The following MBD5 variants were observed in gnomAD, a reference collection of about 807,000 sequenced individuals.
MBD5 encodes the protein methyl-CpG-binding domain protein 5.
Under a neutral mutation model 117.3 loss-of-function variants are expected in MBD5, and 13 were observed. The observed-to-expected ratio is 0.11, with a 90% CI of 0.07 to 0.18. MBD5 has a LOEUF of 0.18. MBD5 is among the 10% of genes least tolerant of loss of function. The pLI is 1.00. For missense variants in MBD5, 1,879 were observed against 2,093.8 expected (o/e 0.90, Z 2.00); for synonymous variants, 727 against 766.4 (o/e 0.95, Z 0.85).
At chr2:148,291,084 A>T (rs903438502) in intron 3 of MBD5, among the ~76,000 whole-genome samples, 9 of 152,194 alleles carry the variant, frequency 5.9e-5, no homozygotes, top group Non-Finnish European at 1.3e-4. Context: ...TAGGTACCAC[A>T]CTATTTTAAT....
intron 4 of MBD5, among the ~76,000 whole-genome samples, chr2:148,358,365 T>C (rs540360602): frequency 6.6e-6 from 1 of 152,264 alleles, no homozygotes; most frequent in Admixed American, 6.5e-5. Context: ...CTTATTAAAA[T>C]AATACAGGAG....
At chr2:148,151,705 C>G (rs1386241919) in intron 1 of MBD5, among the ~76,000 whole-genome samples, 1 of 152,108 alleles carries the variant, frequency 6.6e-6, no homozygotes, top group African/African-American at 2.4e-5. Flanking sequence ...TCCATTTCTT[C>G]TAGATTTTCT....
At chr2:148,201,618 GT>G (rs2105958423) in intron 2 of MBD5, among the ~76,000 whole-genome samples, 1 of 152,272 alleles carries the variant, frequency 6.6e-6, no homozygotes, top group South Asian at 2.1e-4. Context: ...CGTTCAGTCG[GT>G]CCGAAGTTCT....
intron 12 of MBD5, among the ~76,000 whole-genome samples, 181 bp from the exon 13 acceptor site, chr2:148,509,879 T>C (rs1682164361): frequency 6.6e-6 from 1 of 152,232 alleles, no homozygotes; most frequent in Non-Finnish European, 1.5e-5. Context: ...TCTGTGACTT[T>C]AATCATTAGT....
chr2:148,023,313 G>A (rs1693814992), intron 1 of MBD5, among the ~76,000 whole-genome samples: 1 of 152,018 alleles, frequency 6.6e-6, no homozygotes, highest in Admixed American at 6.5e-5. Flanking sequence ...GATGGTTAAA[G>A]CTAAAACATA....
intron 3 of MBD5, among the ~76,000 whole-genome samples, chr2:148,292,788 T>C (rs115991416): frequency 0.013 from 1,916 of 152,164 alleles, 37 homozygotes; most frequent in African/African-American, 0.043. Context: ...GTTGCAGCAC[T>C]GTTTACAGTA....
At chr2:148,272,707 A>C (rs74473778) in intron 3 of MBD5, among the ~76,000 whole-genome samples, 14,504 of 152,120 alleles carry the variant, frequency 0.095, 762 homozygotes, top group South Asian at 0.15. Flanking sequence ...TGTATGGTTC[A>C]CATATATTTT....
intron 3 of MBD5, among the ~76,000 whole-genome samples, chr2:148,283,425 A>C (rs994091685): frequency 5.9e-5 from 9 of 152,184 alleles, no homozygotes; most frequent in Admixed American, 1.3e-4. Flanking sequence ...TTTAACTGCT[A>C]AGACCAAAGT....
intron 2 of MBD5, among the ~76,000 whole-genome samples, chr2:148,211,619 T>A (rs1699423653): frequency 6.6e-6 from 1 of 152,208 alleles, no homozygotes; most frequent in Non-Finnish European, 1.5e-5. Flanking sequence ...TTTACAATTT[T>A]TTTTTCCAGT....
intron 3 of MBD5, among the ~76,000 whole-genome samples, chr2:148,273,222 A>G (rs1365576292): frequency 6.6e-6 from 1 of 152,150 alleles, no homozygotes; most frequent in African/African-American, 2.4e-5. Context: ...CAAACTGTGC[A>G]CTAACTATGG....
At chr2:148,394,323 G>A (rs532603214) in intron 4 of MBD5, among the ~76,000 whole-genome samples, 6 of 151,684 alleles carry the variant, frequency 4.0e-5, no homozygotes, top group African/African-American at 1.2e-4. Context: ...TTTACTCTGG[G>A]GTTTCCTGAG....
chr2:148,034,416 A>G (rs1694129763), intron 1 of MBD5, among the ~76,000 whole-genome samples: 1 of 152,172 alleles, frequency 6.6e-6, no homozygotes. Flanking sequence ...GCACCTGAAA[A>G]AACCCAAAAG....
chr2:148,444,012 A>G (rs1255585660), intron 4 of MBD5, among the ~76,000 whole-genome samples: 1 of 151,380 alleles, frequency 6.6e-6, no homozygotes, highest in Non-Finnish European at 1.5e-5. Flanking sequence ...TAACTCATAC[A>G]TATATATACC....
At chr2:148,066,680 G>A (rs570038229) in intron 1 of MBD5, among the ~76,000 whole-genome samples, 114 of 151,968 alleles carry the variant, frequency 7.5e-4, no homozygotes, top group Non-Finnish European at 1.4e-3. Flanking sequence ...TTTTCACTGT[G>A]TTGCCTAGCC....
chr2:148,154,287 G>T (rs540925785), intron 1 of MBD5, among the ~76,000 whole-genome samples: 9 of 152,048 alleles, frequency 5.9e-5, no homozygotes, highest in Non-Finnish European at 1.0e-4. Context: ...CAGTCTGCCC[G>T]TTCTCAGATC....
chr2:148,131,302 CAT>C (rs1335929216), intron 1 of MBD5, among the ~76,000 whole-genome samples: 1 of 152,104 alleles, frequency 6.6e-6, no homozygotes, highest in Non-Finnish European at 1.5e-5. Flanking sequence ...CGCTGTATGA[CAT>C]GTAATGAGTG....
chr2:148,037,525 GA>G (rs1694227796), intron 1 of MBD5, among the ~76,000 whole-genome samples: 1 of 151,840 alleles, frequency 6.6e-6, no homozygotes, highest in Non-Finnish European at 1.5e-5. Context: ...ATCTTTAAAT[GA>G]GACAGTTAGA....
At chr2:148,068,904 C>T (rs1007045050) in intron 1 of MBD5, among the ~76,000 whole-genome samples, 3 of 151,940 alleles carry the variant, frequency 2.0e-5, no homozygotes, top group African/African-American at 7.2e-5. Context: ...CTATTCAGTC[C>T]TTGATTATAA....
At chr2:148,385,626 T>C (rs868320239) in intron 4 of MBD5, among the ~76,000 whole-genome samples, 4 of 151,958 alleles carry the variant, frequency 2.6e-5, no homozygotes, top group African/African-American at 9.7e-5. Context: ...ACCCAGAGGA[T>C]TATAAATCAT....
Sources: gnomAD v4.1 joint callset for allele counts (sites outside exome capture counted in the v4.1 genomes callset) on GRCh38, gnomAD v4.1.1 for gene constraint, MANE v1.5 for transcripts, NCBI Gene and HGNC (gene_info 2026-07-23, HGNC 2026-07-21) for gene names.